The following FAT4 variants were observed in gnomAD, a reference collection of about 807,000 sequenced individuals.
FAT4 encodes the protein FAT atypical cadherin 4.
A neutral mutation model predicts 303.9 loss-of-function variants in FAT4; 84 were observed. That is an observed-to-expected ratio of 0.28 (90% confidence interval 0.23 to 0.33). The LOEUF (loss-of-function observed/expected upper bound fraction) is 0.33, where lower values mean the gene tolerates loss of function less well. FAT4 is among the 10% of genes least tolerant of loss of function. FAT4 has a pLI of 1.00. For missense variants in FAT4, 6,005 were observed against 6,146.8 expected (o/e 0.98, Z 0.77); for synonymous variants, 2,307 against 2,298.8 (o/e 1.00, Z -0.10).
At position 125,316,697 on chromosome 4, in the gene FAT4, A is replaced by G. The variant is rs778038668; in HGVS notation, c.286A>G (p.Ile96Val). ...CGGAGCCCTGTACACCACCTCCACC[A>G]TCGACCGCGAGAGCCTGCCCAGCGA... is the stretch of plus-strand genomic sequence containing the variant. ...STGALYTTSTIDRESLPSDVI... is the reference protein window; with the variant it reads ...STGALYTTSTVDRESLPSDVI... The change falls in exon 2 of 18, where the codon ATC becomes GTC. Residue 96 changes from isoleucine (I) to valine (V), a missense_variant. By Grantham distance (29) the Ile-to-Val change is conservative (BLOSUM62 3). Coordinates refer to ENST00000394329, the MANE Select transcript of FAT4 (RefSeq NM_001291303.3). This position sits in a 1 kb window ranked among gnomAD's most constrained non-coding sequence, Gnocchi z 5.7. 6 of 1,613,386 alleles carry G rather than the reference A, an allele frequency of 3.7e-6. No homozygotes were observed. The Admixed American group carries it at 1.0e-4, about 27-fold the overall frequency.
chr4:125,409,697 G>A (rs1255196496), intron 5 of FAT4, among the ~76,000 whole-genome samples: 2 of 152,150 alleles, frequency 1.3e-5, no homozygotes, highest in Non-Finnish European at 2.9e-5. Flanking sequence ...AAAAGCAATT[G>A]GCAAACTTTA....
At chr4:125,382,879 T>G (rs1447855873) in intron 2 of FAT4, among the ~76,000 whole-genome samples, 1 of 152,212 alleles carries the variant, frequency 6.6e-6, no homozygotes, top group Non-Finnish European at 1.5e-5. Context: ...CTTCACCTTG[T>G]GCTTTTATGT....
chr4:125,490,653 G>T lies in FAT4; in HGVS notation c.13837G>T (p.Ala4613Ser). 1 of 1,614,110 alleles carries T rather than the reference G, an allele frequency of 6.2e-7. No homozygotes were observed. The highest frequency in any genetic ancestry group is 8.5e-7 in the Non-Finnish European group (1 of 1,180,018). The change falls in exon 18 of 18, where the codon GCA (alanine) becomes TCA (serine). Residue 4613 changes from alanine to serine, a missense_variant. By Grantham distance (99) the Ala-to-Ser change is moderately conservative (BLOSUM62 1). Transcript: ENST00000394329. ...NSETIPSAPLASPEQEIEHYD... is the reference protein window; with the variant it reads ...NSETIPSAPLSSPEQEIEHYD... ...AGAAACCATCCCCAGCGCCCCTTTG[G>T]CATCTCCAGAGCAGGAGATAGAGCA...
chr4:125,449,205 C>T lies in FAT4; in HGVS notation c.8195C>T (p.Pro2732Leu). 1.2e-6 allele frequency: 2 copies of T among 1,613,886 alleles called. No individual in the cohort carries two copies. The highest frequency in any genetic ancestry group is 1.7e-6 in the Non-Finnish European group (2 of 1,179,896). Residue 2732 changes from proline (P) to leucine (L), a missense_variant, in exon 10 of 18, where the codon CCT becomes CTT. By Grantham distance (98) the Pro-to-Leu change is moderately conservative. Coordinates refer to ENST00000394329, the MANE Select transcript of FAT4 (RefSeq NM_001291303.3). ...ACTGGTGAAATTAGAAGCGTTAGAC[C>T]TTTGGACAGGGAAAAAGTATCTCAT... is the stretch of plus-strand genomic sequence containing the variant. ...HATGEIRSVR[P>L]LDREKVSHYV...
Position 125,320,854 on chromosome 4 carries a change from T to A in FAT4, c.4443T>A (p.Asn1481Lys). 6.2e-7 allele frequency: 1 copy of A among 1,614,198 alleles called. No homozygotes were observed. Among genetic ancestry groups the A allele is most frequent in the East Asian group, 2.2e-5 (1 of 44,884 alleles). Residue 1481 changes from asparagine to lysine, a missense_variant, in exon 2 of 18, where the codon AAT becomes AAA. By Grantham distance (94) the Asn-to-Lys change is moderately conservative. Coordinates refer to ENST00000394329, the MANE Select transcript of FAT4 (RefSeq NM_001291303.3). ...AAGTCAAAGGGACTATATATACTAA[T>A]GCTGAAATAGATCGGGAATTTGCTA... ...IDEVKGTIYT[N>K]AEIDREFANL...
chr4:125,402,364 G>C (rs1003931160), intron 3 of FAT4, among the ~76,000 whole-genome samples: 2 of 151,866 alleles, frequency 1.3e-5, no homozygotes, highest in Non-Finnish European at 2.9e-5. Context: ...CTAAAATAAT[G>C]GAATTCCTAG....
intron 2 of FAT4, among the ~76,000 whole-genome samples, chr4:125,354,216 A>G (rs1447742806): frequency 6.6e-6 from 1 of 151,780 alleles, no homozygotes; most frequent in Non-Finnish European, 1.5e-5. Flanking sequence ...CAAATAACTT[A>G]TCGTTTTCCC....
intron 7 of FAT4, among the ~76,000 whole-genome samples, chr4:125,419,142 C>T (rs1735184539): frequency 6.6e-6 from 1 of 152,108 alleles, no homozygotes; most frequent in African/African-American, 2.4e-5. Context: ...ATACTAATAT[C>T]TATATGAAAG....
At chr4:125,397,145 C>G (rs897623925) in intron 2 of FAT4, among the ~76,000 whole-genome samples, 3 of 151,886 alleles carry the variant, frequency 2.0e-5, no homozygotes, top group African/African-American at 7.3e-5. Context: ...GCTTGAAAAC[C>G]AAGATCTTGA....
Position 125,318,790 on chromosome 4 carries a change from C to A in FAT4, c.2379C>A (p.Phe793Leu). 6.2e-7 allele frequency: 1 copy of A among 1,614,196 alleles called. No homozygotes were observed. Residue 793 changes from phenylalanine (F) to leucine (L), a missense_variant, in exon 2 of 18, where the codon TTC becomes TTA. Coordinates refer to ENST00000394329, the MANE Select transcript of FAT4 (RefSeq NM_001291303.3). ...VLDTQDNPPV[F>L]SQVAYSFVVF... The stretch of plus-strand genomic sequence containing the variant: ...ACACTCAAGACAACCCACCTGTATT[C>A]AGTCAGGTTGCCTACAGCTTTGTGG...
chr4:125,346,779 A>G (rs1732019628), intron 2 of FAT4, among the ~76,000 whole-genome samples: 1 of 152,030 alleles, frequency 6.6e-6, no homozygotes, highest in African/African-American at 2.4e-5. Flanking sequence ...GAGGCCAAAC[A>G]ACCTGGTATT....
chr4:125,340,543 C>T (rs141056681), intron 2 of FAT4, among the ~76,000 whole-genome samples: 8,524 of 152,216 alleles, frequency 0.056, 238 homozygotes, highest in Middle Eastern at 0.078. Context: ...CCCGCCACCA[C>T]GCCCGGCTAA....
intron 2 of FAT4, among the ~76,000 whole-genome samples, chr4:125,396,319 G>T (rs1056545607): frequency 6.6e-6 from 1 of 152,090 alleles, no homozygotes; most frequent in Non-Finnish European, 1.5e-5. Context: ...AAAAAAATCA[G>T]GTATGTTTAT....
At chr4:125,444,893 A>C (rs6824600) in intron 8 of FAT4, among the ~76,000 whole-genome samples, 6,402 of 152,192 alleles carry the variant, frequency 0.042, 182 homozygotes, top group Middle Eastern at 0.078. Flanking sequence ...ACTTTGTAAA[A>C]CGTTAAGGTA....
Position 125,446,128 on chromosome 4 carries a change from T to C in FAT4, c.7200-165T>C. 5.2e-6 allele frequency: 3 copies of C among 577,314 alleles called. No homozygotes were observed. In the South Asian group the frequency reaches 7.4e-5, roughly 14 times the overall value. The allele number at this position is 577,314 out of a possible 1,614,324, so 35.8% of individuals were successfully genotyped here. A position where few individuals can be genotyped will look rare whatever the true frequency, so the allele number is the denominator to read the frequency against. ...CTGTCAATGTGATGTTCACAGAAAA[T>C]TTGAAATATTTATTAGCTAGACTAG... On this transcript the variant is annotated intron_variant, in intron 8 of 17. Transcript: ENST00000394329.
chr4:125,400,937 A>G (rs1200376560), intron 3 of FAT4, among the ~76,000 whole-genome samples: 1 of 152,022 alleles, frequency 6.6e-6, no homozygotes, highest in Non-Finnish European at 1.5e-5. Context: ...AGGGATGCTG[A>G]CAATATGTAT....
intron 12 of FAT4, among the ~76,000 whole-genome samples, chr4:125,474,882 G>A (rs1395609013): frequency 6.6e-6 from 1 of 151,970 alleles, no homozygotes; most frequent in African/African-American, 2.4e-5. Context: ...TTGCATTTAA[G>A]TTTGGCATGT....
At chr4:125,378,083 G>A (rs1733400148) in intron 2 of FAT4, among the ~76,000 whole-genome samples, 1 of 151,970 alleles carries the variant, frequency 6.6e-6, no homozygotes, top group South Asian at 2.1e-4. Flanking sequence ...CTTAGTTATT[G>A]CCTGATAAAA....
chr4:125,316,325 G>C lies in FAT4; in HGVS notation c.-12-75G>C, dbSNP rs562838061. The stretch of plus-strand genomic sequence containing the variant: ...AGACCAAGCCGTCAGCTGAATCTTT[G>C]CTGGCGCTCCTTAATCCCTGTAAAT... On this transcript the variant is annotated intron_variant, in intron 1 of 17. Transcript: ENST00000394329. The surrounding 1 kb of genome is among the most constrained non-coding windows in gnomAD (Gnocchi z 5.7). 1.1e-4 allele frequency: 166 copies of C among 1,490,162 alleles called. No homozygotes were observed. Among genetic ancestry groups the C allele is most frequent in the Non-Finnish European group, 1.1e-5 (12 of 1,120,186 alleles). The allele number at this position is 1,490,162 out of a possible 1,614,324, so 92.3% of individuals were successfully genotyped here.
Sources: gnomAD v4.1 joint callset for allele counts (sites outside exome capture counted in the v4.1 genomes callset) on GRCh38, gnomAD v4.1.1 for gene constraint, Gnocchi (gnomAD v3.1) non-coding constraint, MANE v1.5 for transcripts, NCBI Gene and HGNC (gene_info 2026-07-23, HGNC 2026-07-21) for gene names.